Variants in DOCK2 observed in about 807,000 individuals in gnomAD.
DOCK2 encodes dedicator of cytokinesis 2, also known as dedicator of cytokinesis protein 2.
In DOCK2, 87 loss-of-function variants were observed where a neutral mutation model predicts 248.9. The observed-to-expected ratio is 0.35, with a 90% confidence interval of 0.29 to 0.42. DOCK2 has a LOEUF of 0.42. Ranked by LOEUF, DOCK2 falls within the 10% of genes least tolerant of loss-of-function variation. The probability of loss-of-function intolerance (pLI) is 1.00; values close to 1 mark genes in which losing one functional copy is unlikely to be tolerated. For missense variants in DOCK2, 1,747 were observed against 2,300.2 expected (o/e 0.76, Z 4.92); for synonymous variants, 805 against 821.6 (o/e 0.98, Z 0.35).
intron 44 of DOCK2, among the ~76,000 whole-genome samples, chr5:170,060,556 C>G (rs926012414): frequency 6.6e-6 from 1 of 152,158 alleles, no homozygotes; most frequent in Non-Finnish European, 1.5e-5. Flanking sequence ...CTGATTCTTC[C>G]TGGTTCTTGT....
At position 169,681,863 on chromosome 5, in the gene DOCK2, G is replaced by T; in HGVS notation, c.590G>T (p.Arg197Leu). The T allele has an allele frequency of 2.5e-6, 4 of 1,613,758 alleles. No individual in the cohort carries two copies. Among genetic ancestry groups the T allele is most frequent in the Non-Finnish European group, 2.5e-6 (3 of 1,179,860 alleles). The change falls in exon 7 of 52, where the codon CGT (arginine) becomes CTT (leucine). Residue 197 changes from arginine to leucine, a missense_variant. Coordinates refer to ENST00000520908, the MANE Select transcript of DOCK2 (RefSeq NM_004946.3). ...HEEATDKITERIKEEMSKDQP... is the reference protein window; with the variant it reads ...HEEATDKITELIKEEMSKDQP... ...GAAGCAACTGATAAAATCACAGAGCGTATCAAAGAAGAAATGGTGAGCTTT... is the reference window on the plus strand; with the variant it reads ...GAAGCAACTGATAAAATCACAGAGCTTATCAAAGAAGAAATGGTGAGCTTT...
intron 27 of DOCK2, among the ~76,000 whole-genome samples, chr5:169,872,928 G>C (rs1441063465): frequency 6.6e-6 from 1 of 152,214 alleles, no homozygotes; most frequent in Non-Finnish European, 1.5e-5. Flanking sequence ...TAGACATATA[G>C]TGTTGGGCAA....
chr5:170,007,336 G>A (rs1263188853), intron 30 of DOCK2, among the ~76,000 whole-genome samples: 2 of 152,148 alleles, frequency 1.3e-5, no homozygotes, highest in African/African-American at 4.8e-5. Flanking sequence ...CAGGACCTTG[G>A]CATCTTGCAA....
chr5:169,745,514 G>A (rs757019449), intron 22 of DOCK2, among the ~76,000 whole-genome samples: 1 of 152,206 alleles, frequency 6.6e-6, no homozygotes, highest in Non-Finnish European at 1.5e-5. Context: ...AATTAAGGGG[G>A]CAGTAAAGTG....
intron 2 of DOCK2, among the ~76,000 whole-genome samples, chr5:169,668,380 AC>A (rs1183424013): frequency 2.0e-5 from 3 of 151,916 alleles, no homozygotes; most frequent in African/African-American, 7.3e-5. Flanking sequence ...TTCCTTTAGG[AC>A]CTGGCCGTCA....
intron 6 of DOCK2, among the ~76,000 whole-genome samples, chr5:169,679,907 G>A (rs1380222503): frequency 2.0e-5 from 3 of 152,132 alleles, no homozygotes; most frequent in African/African-American, 7.2e-5. Flanking sequence ...TCCAGAATCT[G>A]GTACTTAGTA....
At chr5:170,076,670 T>A (rs1428974339) in intron 47 of DOCK2, among the ~76,000 whole-genome samples, 1 of 152,228 alleles carries the variant, frequency 6.6e-6, no homozygotes, top group African/African-American at 2.4e-5. Flanking sequence ...GTCAAGGCCA[T>A]GCAATTCCTT....
rs115487597 is a variant in DOCK2, at chr5:169,654,185, G to C, written c.44-218G>C. On this transcript the variant is annotated intron_variant, in intron 1 of 51. Transcript: ENST00000520908. ...GTCACTCAGGCTCAATGCAGGGCCT[G>C]TGTTGAGGAAAGGTCAACTTTGGTT... is the stretch of plus-strand genomic sequence containing the variant. Among the ~76,000 whole-genome samples the C allele has an allele frequency of 6.5e-3, 998 of 152,374 alleles. 10 individuals carry two copies. Among genetic ancestry groups the C allele is most frequent in the African/African-American group, 0.021 (863 of 41,602 alleles).
At chr5:169,730,788 GC>G (rs1338426418) in intron 22 of DOCK2, among the ~76,000 whole-genome samples, 2 of 152,088 alleles carry the variant, frequency 1.3e-5, no homozygotes, top group African/African-American at 4.8e-5. Context: ...ATTTTTAAGA[GC>G]CATTTATGTT....
chr5:169,640,797 G>T (rs1757103973), intron 1 of DOCK2, among the ~76,000 whole-genome samples: 1 of 152,196 alleles, frequency 6.6e-6, no homozygotes. Context: ...TAAATATCCA[G>T]GAAAGCTTCT....
chr5:169,815,425 C>T (rs990596553), intron 26 of DOCK2, among the ~76,000 whole-genome samples: 2 of 152,156 alleles, frequency 1.3e-5, no homozygotes, highest in African/African-American at 4.8e-5. Context: ...TGCCTACAGC[C>T]AAATGCACGA....
intron 27 of DOCK2, among the ~76,000 whole-genome samples, chr5:169,849,383 G>A (rs187586957): frequency 2.0e-5 from 3 of 152,278 alleles, no homozygotes; most frequent in South Asian, 2.1e-4. Flanking sequence ...TTTTGGAGTC[G>A]CTGCCCTTAA....
At chr5:169,701,478 C>T (rs1464293621) in intron 13 of DOCK2, among the ~76,000 whole-genome samples, 1 of 152,024 alleles carries the variant, frequency 6.6e-6, no homozygotes, top group Non-Finnish European at 1.5e-5. Context: ...ACTTGTGTAA[C>T]CCCTTGTAGG....
rs1440623942 is a variant in DOCK2 at position 170,013,337 on chromosome 5, C to T, written c.3232+4591C>T. Among the ~76,000 whole-genome samples the T allele has an allele frequency of 6.6e-5, 10 of 152,030 alleles. No homozygotes were observed. The East Asian group carries it at 1.7e-3, about 26-fold the overall frequency. ...CCCCAAAGATGTCCATGTCCTAATCCCCAGAACCTGTGGAATATGTTACCT... is the reference window on the plus strand; with the variant it reads ...CCCCAAAGATGTCCATGTCCTAATCTCCAGAACCTGTGGAATATGTTACCT... On this transcript the variant is annotated intron_variant, in intron 32 of 51. Coordinates refer to ENST00000520908, the MANE Select transcript of DOCK2 (RefSeq NM_004946.3).
chr5:169,853,856 G>A (rs543722084), intron 27 of DOCK2, among the ~76,000 whole-genome samples: 2 of 75,160 alleles, frequency 2.7e-5, no homozygotes, highest in East Asian at 8.5e-4. Flanking sequence ...TTTTGTGGTA[G>A]ACAGAGTCTC....
chr5:169,736,122 C>T (rs1763027656), intron 22 of DOCK2, among the ~76,000 whole-genome samples: 1 of 152,228 alleles, frequency 6.6e-6, no homozygotes, highest in Admixed American at 6.5e-5. Flanking sequence ...CCTCCCCCAA[C>T]ATTGTAAATT....
At chr5:170,065,637 C>A (rs1255445634) in intron 44 of DOCK2, among the ~76,000 whole-genome samples, 3 of 152,180 alleles carry the variant, frequency 2.0e-5, no homozygotes, top group Non-Finnish European at 4.4e-5. Context: ...AGGAGCAAGT[C>A]CCATCTTACG....
chr5:169,845,869 G>A (rs942439621), intron 27 of DOCK2, among the ~76,000 whole-genome samples: 2 of 152,158 alleles, frequency 1.3e-5, no homozygotes, highest in African/African-American at 4.8e-5. Flanking sequence ...GCAACAAACA[G>A]GGTTTTCTTA....
chr5:169,637,959 G>C (rs936331610), intron 1 of DOCK2, among the ~76,000 whole-genome samples: 1 of 152,034 alleles, frequency 6.6e-6, no homozygotes, highest in South Asian at 2.1e-4. Flanking sequence ...GTGGTCTTAG[G>C]GTAACCAAGA....
Sources: gnomAD v4.1 joint callset for allele counts (sites outside exome capture counted in the v4.1 genomes callset) on GRCh38, gnomAD v4.1.1 for gene constraint, MANE v1.5 for transcripts, NCBI Gene and HGNC (gene_info 2026-07-23, HGNC 2026-07-21) for gene names.